The following MYO15A variants were observed in gnomAD, a reference collection of about 807,000 sequenced individuals.
The protein encoded by MYO15A is myosin XVA.
A neutral mutation model predicts 394.6 loss-of-function variants in MYO15A; 308 were observed. The observed-to-expected ratio is 0.78, with a 90% CI of 0.71 to 0.86. The LOEUF (loss-of-function observed/expected upper bound fraction) is 0.86. MYO15A is among the 40% of genes least tolerant of loss of function. The pLI is 0.00. For synonymous variants in MYO15A, 1,957 were observed against 2,003.8 expected (o/e 0.98, Z 0.62); for missense variants, 4,606 against 4,799.1 (o/e 0.96, Z 1.19).
Position 18,126,446 on chromosome 17 carries a change from G to C in MYO15A, c.3856G>C (p.Glu1286Gln). 1 of 1,613,906 alleles carries C rather than the reference G, an allele frequency of 6.2e-7. No homozygotes were observed. The highest frequency in any genetic ancestry group is 8.5e-7 in the Non-Finnish European group (1 of 1,179,970). The change falls in exon 5 of 66, where the codon GAG (glutamate) becomes CAG (glutamine). Residue 1286 changes from glutamate (E) to glutamine (Q), a missense_variant. Glu to Gln is a conservative substitution (Grantham distance 29). Transcript: ENST00000647165. ...GCAGTACAACGGACGGGCCCTGGGA[G>C]AGAATCCCCCGTGAGTGTCTCGGGG... Reference protein sequence around the residue: ...VQQYNGRALGENPPHLFAVAN... With the variant: ...VQQYNGRALGQNPPHLFAVAN...
intron 1 of MYO15A, chr17:18,109,344 A>G: frequency 6.4e-6 from 1 of 156,356 alleles, no homozygotes; most frequent in East Asian, 1.7e-4. Context: ...CTGGGCCACA[A>G]GTTCCTCACC....
chr17:18,149,413 G>A lies in MYO15A; in HGVS notation c.7117+37G>A, dbSNP rs970723117. On this transcript the variant is annotated intron_variant, in intron 34 of 65. Transcript: ENST00000647165. ...ATGGCTGCTGTCTCTGGTGGGGAGG[G>A]AGCCTTAGAGGCTGTGTGGGGTGGA... 14 of 1,611,726 alleles carry A rather than the reference G, an allele frequency of 8.7e-6. No homozygotes were observed. The African/African-American group carries it at 1.9e-4, about 22-fold the overall frequency.
Position 18,141,029 on chromosome 17 carries a change from T to C in MYO15A, c.5417T>C (p.Leu1806Pro), listed in dbSNP as rs2046369302. 3 of 1,613,862 alleles carry C rather than the reference T, an allele frequency of 1.9e-6. No individual in the cohort carries two copies. Among genetic ancestry groups the C allele is most frequent in the Non-Finnish European group, 2.5e-6 (3 of 1,180,046 alleles). ...LKPNHKKEPG[L>P]FEPDVVMAQL... Reference sequence around the variant, plus strand: ...TGGGCATCCCTACAGGAGCCAGGTCTCTTTGAGCCAGATGTGGTAATGGCA... The same window carrying C: ...TGGGCATCCCTACAGGAGCCAGGTCCCTTTGAGCCAGATGTGGTAATGGCA... The change falls in exon 22 of 66, where the codon CTC becomes CCC. Residue 1806 changes from leucine (L) to proline (P), a missense_variant. By Grantham distance (98) the Leu-to-Pro change is moderately conservative. Around this residue, in one of 2 missense-constraint regions of MYO15A, gnomAD observed 2,776 missense variants for 3,109.3 expected, o/e 0.89. Transcript: ENST00000647165.
chr17:18,138,111 G>T lies in MYO15A; in HGVS notation c.4876-4G>T. ...GTTGAGCTCCTGCTGCCCACTGCCT[G>T]CAGGAGGAGTACATCCGTGAGCAGA... is the stretch of plus-strand genomic sequence containing the variant. On this transcript the variant is annotated splice_region_variant and splice_polypyrimidine_tract_variant and intron_variant, in intron 16 of 65. Transcript: ENST00000647165. 1 of 1,610,144 alleles carries T rather than the reference G, an allele frequency of 6.2e-7. No homozygotes were observed. The highest frequency in any genetic ancestry group is 8.5e-7 in the Non-Finnish European group (1 of 1,180,008).
At chr17:18,133,582 T>G (rs2046209127) in intron 12 of MYO15A, among the ~76,000 whole-genome samples, 196 bp downstream of exon 12, 1 of 152,230 alleles carries the variant, frequency 6.6e-6, no homozygotes, top group Admixed American at 6.5e-5. Context: ...GTGTCTGATA[T>G]GAATTGCAAA....
intron 65 of MYO15A, among the ~76,000 whole-genome samples, chr17:18,175,246 T>C (rs1350913858): frequency 4.0e-5 from 6 of 150,554 alleles, no homozygotes; most frequent in African/African-American, 1.5e-4. Context: ...GTGAGCCTGG[T>C]CATTCCTTCT....
In MYO15A at chr17:18,142,752, C is replaced by T; in HGVS notation, c.5826-4C>T. ...TCCCTGACCTCCCCACTACCCCAACCCAGGCAACGCTATCAGCAGATGAGG... is the reference window on the plus strand; with the variant it reads ...TCCCTGACCTCCCCACTACCCCAACTCAGGCAACGCTATCAGCAGATGAGG... On this transcript the variant is annotated splice_polypyrimidine_tract_variant and splice_region_variant and intron_variant, in intron 24 of 65. Transcript: ENST00000647165. 1.9e-6 allele frequency: 3 copies of T among 1,613,422 alleles called. No homozygotes were observed. The highest frequency in any genetic ancestry group is 2.5e-6 in the Non-Finnish European group (3 of 1,179,822).
chr17:18,124,636 T>C, intron 3 of MYO15A, 71 bp downstream of exon 3: 1 of 1,473,692 alleles, frequency 6.8e-7, no homozygotes, highest in Non-Finnish European at 9.4e-7. Context: ...CCAGAGCAGC[T>C]CCTCCTGCAG....
rs1293159279 is a variant in MYO15A, at chr17:18,151,886, C to T, written c.7828C>T (p.His2610Tyr). ...GKVFMKRPDP[H>Y]EEALMILKGQ... is the part of the protein sequence containing the mutation. ...AGTGTTCATGAAGCGGCCAGACCCT[C>T]ATGAGGAGGCCCTGATGATCCTGAA... is the stretch of plus-strand genomic sequence containing the variant. The change falls in exon 41 of 66, where the codon CAT becomes TAT. Residue 2610 changes from histidine (H) to tyrosine (Y), a missense_variant. Around this residue, in one of 2 missense-constraint regions of MYO15A, gnomAD observed 2,776 missense variants for 3,109.3 expected, o/e 0.89. Transcript: ENST00000647165. 1 of 1,578,112 alleles carries T rather than the reference C, an allele frequency of 6.3e-7. No individual in the cohort carries two copies. The highest frequency in any genetic ancestry group is 1.9e-5 in the Admixed American group (1 of 53,288).
chr17:18,163,710 G>T, intron 59 of MYO15A, 32 bp from the exon 60 acceptor site: 2 of 1,584,770 alleles, frequency 1.3e-6, no homozygotes, highest in South Asian at 1.1e-5. Flanking sequence ...AGCCCAACTG[G>T]CATGGCCTCA....
At chr17:18,171,494 A>G in intron 62 of MYO15A, 144 bp from the exon 63 acceptor site, 1 of 1,268,412 alleles carries the variant, frequency 7.9e-7, no homozygotes, top group Non-Finnish European at 1.1e-6. Flanking sequence ...CCTCTACCCC[A>G]CTTTCAGCCC....
chr17:18,152,202 G>T lies in MYO15A; in HGVS notation c.7966+18G>T. On this transcript the variant is annotated intron_variant, in intron 42 of 65. Coordinates refer to ENST00000647165, the MANE Select transcript of MYO15A (RefSeq NM_016239.4). ...CACTTCAGGTGAGAGGGCCAGGAGG[G>T]AGGGAGGGGAGGGTGTCCAAGTATA... is the stretch of plus-strand genomic sequence containing the variant. 2 of 1,542,572 alleles carry T rather than the reference G, an allele frequency of 1.3e-6. No individual in the cohort carries two copies.
rs2142272250 is a variant in MYO15A, at chr17:18,124,551, C to T, written c.3678C>T (p.Asp1226=). 1 of 1,613,230 alleles carries T rather than the reference C, an allele frequency of 6.2e-7. No homozygotes were observed. Among genetic ancestry groups the T allele is most frequent in the South Asian group, 1.1e-5 (1 of 91,076 alleles). The part of the protein sequence containing the change: ...REQHGEDGVE[D]MTQLEDLQET... Reference sequence around the variant, plus strand: ...AGCACGGGGAGGATGGTGTGGAGGACATGACACAGCTGGAGTGAGTGGGCA... The same window carrying T: ...AGCACGGGGAGGATGGTGTGGAGGATATGACACAGCTGGAGTGAGTGGGCA... The change falls in exon 3 of 66, where the codon GAC becomes GAT. Residue 1226 remains aspartate, a synonymous_variant. Transcript: ENST00000647165.
rs187447963 is a variant in MYO15A, at chr17:18,153,170, G to A, written c.7967-605G>A. Among the ~76,000 whole-genome samples, 365 of 152,306 alleles carry A rather than the reference G, an allele frequency of 2.4e-3. 2 individuals are homozygous for A. Among genetic ancestry groups the A allele is most frequent in the Non-Finnish European group, 4.2e-3 (285 of 68,018 alleles). On this transcript the variant is annotated intron_variant, in intron 42 of 65. Transcript: ENST00000647165. The surrounding 1 kb of genome is among the most constrained non-coding windows in gnomAD (Gnocchi z 4.1). Reference sequence around the variant, plus strand: ...TGTAATCCCAGCACTTTGGGAGTCCGAGGCGGGCGGATCACAAGGTCAAGA... The same window carrying A: ...TGTAATCCCAGCACTTTGGGAGTCCAAGGCGGGCGGATCACAAGGTCAAGA...
In MYO15A at chr17:18,155,270, G is replaced by A. The variant is rs961626997; in HGVS notation, c.8341-44G>A. 1.9e-6 allele frequency: 3 copies of A among 1,613,662 alleles called. No homozygotes were observed. In the South Asian group the frequency reaches 3.3e-5, roughly 18 times the overall value. ...CCCCTACCTGTCCAGAGGATTCAGGGATGAGACAAGAGGATCCTCACACGC... is the reference window on the plus strand; with the variant it reads ...CCCCTACCTGTCCAGAGGATTCAGGAATGAGACAAGAGGATCCTCACACGC... On this transcript the variant is annotated intron_variant, in intron 46 of 65. Transcript: ENST00000647165.
At chr17:18,114,014 C>G (rs574544302) in intron 1 of MYO15A, among the ~76,000 whole-genome samples, 1 of 152,308 alleles carries the variant, frequency 6.6e-6, no homozygotes, top group East Asian at 1.9e-4. Flanking sequence ...TGTACTGCAG[C>G]AATGAGCAGC....
Position 18,119,313 on chromosome 17 carries a change from A to T in MYO15A, c.513A>T (p.Lys171Asn), listed in dbSNP as rs2045855233. ...CGAGCTCCCGCATGGGCTCCCGCAA[A>T]CTCCCCTTCCCGTCGGGTGCCGAGA... Reference protein sequence around the residue: ...QRSSSRMGSRKLPFPSGAEIL... With the variant: ...QRSSSRMGSRNLPFPSGAEIL... The change falls in exon 2 of 66, where the codon AAA becomes AAT. Residue 171 changes from lysine (K) to asparagine (N), a missense_variant. By Grantham distance (94) the Lys-to-Asn change is moderately conservative (BLOSUM62 0). Transcript: ENST00000647165. 1.2e-6 allele frequency: 2 copies of T among 1,610,162 alleles called. No homozygotes were observed. The highest frequency in any genetic ancestry group is 2.7e-5 in the African/African-American group (2 of 74,702).
intron 58 of MYO15A, 126 bp from the exon 59 acceptor site, chr17:18,163,118 T>C: frequency 5.1e-6 from 5 of 981,596 alleles, no homozygotes; most frequent in Non-Finnish European, 8.2e-6. Flanking sequence ...GCGGTCCAGG[T>C]GCTCAAGTGT....
Position 18,131,298 on chromosome 17 carries a change from C to A in MYO15A, c.4098C>A (p.Asp1366Glu). The A allele has an allele frequency of 6.2e-7, 1 of 1,614,126 alleles. No individual in the cohort carries two copies. The highest frequency in any genetic ancestry group is 8.5e-7 in the Non-Finnish European group (1 of 1,180,008). Residue 1366 changes from aspartate (D) to glutamate (E), a missense_variant, in exon 9 of 66, where the codon GAC becomes GAA. This residue lies in a region of MYO15A where 2,776 missense variants were observed against 3,109.3 expected (regional missense o/e 0.89). Coordinates refer to ENST00000647165, the MANE Select transcript of MYO15A (RefSeq NM_016239.4). ...GTAATGCCAAAACCGTCAGGAACGA[C>A]AACTCCAGCCGCTTTGGGAAGTTTG... ...SFGNAKTVRNDNSSRFGKFVE... is the reference protein window; with the variant it reads ...SFGNAKTVRNENSSRFGKFVE...
Sources: allele counts gnomAD v4.1 joint callset (sites outside exome capture counted in the v4.1 genomes callset), GRCh38; gene constraint gnomAD v4.1.1; regional missense constraint gnomAD v4.1.1; non-coding constraint Gnocchi (gnomAD v3.1); transcripts MANE v1.5; gene names NCBI Gene and HGNC (gene_info 2026-07-23, HGNC 2026-07-21).